Variants in PARVB observed in about 807,000 individuals in gnomAD.
PARVB encodes the protein parvin beta.
In PARVB, 46 loss-of-function variants were observed where a neutral mutation model predicts 47.0. The ratio of observed to expected loss-of-function variants is 0.98; its 90% confidence interval spans 0.77 to 1.25. The LOEUF is 1.25. PARVB is among the 50% of genes most tolerant of loss of function. The pLI is 0.00. For missense variants in PARVB, 473 were observed against 471.6 expected, an observed-to-expected ratio of 1.00 and a Z score of -0.03; for synonymous variants, 196 against 196.3, an observed-to-expected ratio of 1.00 and a Z score of 0.01.
chr22:44,136,220 G>A (rs992576915), intron 6 of PARVB, among the ~76,000 whole-genome samples: 14 of 152,250 alleles, frequency 9.2e-5, no homozygotes, highest in Admixed American at 6.5e-4. Context: ...TCAAGGCCAC[G>A]TGGAGACCAG....
Position 44,169,307 on chromosome 22 carries a change from G to A in PARVB, c.*629G>A, listed in dbSNP as rs899813558. 1.3e-5 allele frequency: 2 copies of A among 150,490 alleles called. No individual in the cohort carries two copies. Among genetic ancestry groups the A allele is most frequent in the Non-Finnish European group, 1.5e-5 (1 of 68,142 alleles). The allele number at this position is 150,490 out of a possible 1,614,324, so 9.3% of individuals were successfully genotyped here. Reference sequence around the variant, plus strand: ...TCACTTCTTGGTCACTCGTTTTAATGTAGGTTTTGCACAAACATCCAAGAC... The same window carrying A: ...TCACTTCTTGGTCACTCGTTTTAATATAGGTTTTGCACAAACATCCAAGAC... On this transcript the variant is annotated 3_prime_UTR_variant, in exon 13 of 13. Coordinates refer to ENST00000338758, the MANE Select transcript of PARVB (RefSeq NM_013327.5).
At position 44,110,365 on chromosome 22, in the gene PARVB, C is replaced by T. The variant is rs564198535; in HGVS notation, c.274-8673C>T. 3 of 152,180 alleles carry T rather than the reference C, an allele frequency of 2.0e-5. No homozygotes were observed. The East Asian group carries it at 5.8e-4, about 29-fold the overall frequency. 9.4% of individuals were successfully genotyped at this position (152,180 alleles called of 1,614,324 possible). On this transcript the variant is annotated intron_variant, in intron 3 of 12. Coordinates refer to ENST00000338758, the MANE Select transcript of PARVB (RefSeq NM_013327.5). ...GACTATTTTCTCCCGACTGAATTGT[C>T]CTGGTATCCTTGTTAATATCAGTTG...
upstream of PARVB, among the ~76,000 whole-genome samples, chr22:44,023,522 T>C (rs372402748): frequency 1.6e-4 from 16 of 98,818 alleles, no homozygotes; most frequent in South Asian, 2.8e-3. Flanking sequence ...AAAAATAAAA[T>C]AAAATAAAAC....
chr22:44,137,626 G>C (rs1035552367), intron 7 of PARVB, among the ~76,000 whole-genome samples: 1 of 152,190 alleles, frequency 6.6e-6, no homozygotes, highest in Non-Finnish European at 1.5e-5. Context: ...CTCGCCTGGG[G>C]TTGCTCATAT....
intron 12 of PARVB, among the ~76,000 whole-genome samples, chr22:44,164,391 C>T (rs960229444): frequency 1.1e-4 from 15 of 134,776 alleles, no homozygotes; most frequent in Non-Finnish European, 1.6e-4. Context: ...AGAGCTGGGG[C>T]GGGCGGTTGC....
intron 1 of PARVB, among the ~76,000 whole-genome samples, chr22:44,088,012 T>A (rs1262434327): frequency 2.0e-5 from 3 of 152,086 alleles, no homozygotes; most frequent in Non-Finnish European, 4.4e-5. Flanking sequence ...TCCCTGAATC[T>A]TTGTGATCTC....
intron 1 of PARVB, among the ~76,000 whole-genome samples, chr22:44,062,082 C>G (rs1293295853): frequency 6.6e-6 from 1 of 152,220 alleles, no homozygotes; most frequent in Non-Finnish European, 1.5e-5. Flanking sequence ...TAGGAGGAAC[C>G]TGCAAACTGT....
chr22:44,077,710 C>A (rs2051808561), intron 1 of PARVB, among the ~76,000 whole-genome samples: 1 of 152,072 alleles, frequency 6.6e-6, no homozygotes, highest in Admixed American at 6.5e-5. Flanking sequence ...TAAACCTTAG[C>A]AATGATATTG....
chr22:44,055,678 C>CTCTCTATATA (rs1438284048), intron 1 of PARVB, among the ~76,000 whole-genome samples: 1 of 142,680 alleles, frequency 7.0e-6, no homozygotes, highest in African/African-American at 2.6e-5. Context: ...CTCTCTCTCT[C>CTCTCTATATA]TATATATATA....
chr22:44,005,404 C>T (rs1296924695), intron 2 of PARVB, among the ~76,000 whole-genome samples: 4 of 148,964 alleles, frequency 2.7e-5, no homozygotes, highest in Admixed American at 6.8e-5. Flanking sequence ...TGAGGTACCA[C>T]GCCTGGCCGT....
At chr22:44,040,713 T>C (rs1601514554) in intron 1 of PARVB, among the ~76,000 whole-genome samples, 1 of 152,152 alleles carries the variant, frequency 6.6e-6, no homozygotes, top group East Asian at 1.9e-4. Flanking sequence ...AACCACAAGA[T>C]AGAAATTTGT....
intron 10 of PARVB, 73 bp downstream of exon 10, chr22:44,151,624 G>T: frequency 8.3e-7 from 1 of 1,201,242 alleles, no homozygotes; most frequent in Non-Finnish European, 1.2e-6. Flanking sequence ...CCCAGGTGGG[G>T]CGCGTGAACA....
In PARVB at chr22:44,127,116, G is replaced by A. The variant is rs538190372; in HGVS notation, c.377-4371G>A. 3.3e-5 allele frequency among the ~76,000 whole-genome samples: 5 copies of A among 152,310 alleles called. No homozygotes were observed. The East Asian group carries it at 9.6e-4, about 29-fold the overall frequency. Reference sequence around the variant, plus strand: ...TTGTGTTATCCATAAAGTATAACATGAGGCTTCCTTTGGCTCAAGCAGCCT... The same window carrying A: ...TTGTGTTATCCATAAAGTATAACATAAGGCTTCCTTTGGCTCAAGCAGCCT... On this transcript the variant is annotated intron_variant, in intron 4 of 12. Coordinates refer to ENST00000338758, the MANE Select transcript of PARVB (RefSeq NM_013327.5).
chr22:44,172,213 G>A lies in PARVB; in HGVS notation c.*3535G>A, dbSNP rs1447280368. The A allele has an allele frequency of 6.6e-6, 1 of 152,284 alleles. No individual in the cohort carries two copies. Among genetic ancestry groups the A allele is most frequent in the African/African-American group, 2.4e-5 (1 of 41,440 alleles). 9.4% of individuals were successfully genotyped at this position (152,284 alleles called of 1,614,324 possible). ...GGGTGAACTCGATTCCTATAGGCTT[G>A]GGATGAATGGCTGCTGGGACATGAG... On this transcript the variant is annotated 3_prime_UTR_variant, in exon 13 of 13. Transcript: ENST00000338758.
At chr22:44,101,940 A>T (rs796678019) in intron 3 of PARVB, among the ~76,000 whole-genome samples, 10 of 152,272 alleles carry the variant, frequency 6.6e-5, no homozygotes, top group African/African-American at 2.2e-4. Flanking sequence ...TTCTTGGGGG[A>T]TATTTAAGCA....
At chr22:44,016,559 C>T (rs575579312) in intron 2 of PARVB, among the ~76,000 whole-genome samples, 10 of 152,284 alleles carry the variant, frequency 6.6e-5, no homozygotes, top group African/African-American at 1.9e-4. Context: ...ACATGAAATT[C>T]GCTTATGTTT....
chr22:44,009,599 A>G (rs2050500995), intron 2 of PARVB: 1 of 150,990 alleles, frequency 6.6e-6, no homozygotes, highest in Non-Finnish European at 1.5e-5. Flanking sequence ...ATATGTATGT[A>G]ATATATAATA....
intron 5 of PARVB, 43 bp downstream of exon 5, chr22:44,131,670 C>A: frequency 6.4e-7 from 1 of 1,555,850 alleles, no homozygotes; most frequent in Non-Finnish European, 8.7e-7. Flanking sequence ...TGGAGGGAGC[C>A]CGTCCTCTCG....
chr22:44,057,550 C>G (rs183292571), intron 1 of PARVB, among the ~76,000 whole-genome samples: 1 of 151,548 alleles, frequency 6.6e-6, no homozygotes, highest in Admixed American at 6.6e-5. Context: ...TGAGTTTATC[C>G]GCACTCTGGG....
Sources: allele counts gnomAD v4.1 joint callset (sites outside exome capture counted in the v4.1 genomes callset), GRCh38; gene constraint gnomAD v4.1.1; transcripts MANE v1.5; gene names NCBI Gene and HGNC (gene_info 2026-07-23, HGNC 2026-07-21).